PTPRD: variants seen among roughly 807,000 people sequenced by gnomAD.
PTPRD encodes protein tyrosine phosphatase receptor type D, also known as receptor-type tyrosine-protein phosphatase delta.
Under a neutral mutation model 214.5 loss-of-function variants are expected in PTPRD, and 34 were observed. That is an observed-to-expected ratio of 0.16 (90% CI 0.12 to 0.21). PTPRD has a LOEUF of 0.21. Among genes scored for constraint, PTPRD ranks in the 10% least tolerant of loss-of-function variants. PTPRD has a pLI of 1.00. For synonymous variants in PTPRD, 1,128 were observed against 845.7 expected (o/e 1.33, Z -5.79); for missense variants, 2,545 against 2,398.7 (o/e 1.06, Z -1.27).
chr9:9,352,540 G>A (rs1267959296), intron 9 of PTPRD, among the ~76,000 whole-genome samples: 1 of 151,800 alleles, frequency 6.6e-6, no homozygotes, highest in Admixed American at 6.6e-5. Flanking sequence ...TTAGTCCAGA[G>A]ACAAACTCTT....
intron 12 of PTPRD, among the ~76,000 whole-genome samples, chr9:8,723,633 A>G (rs1048500373): frequency 2.0e-5 from 3 of 152,218 alleles, no homozygotes; most frequent in African/African-American, 4.8e-5. Flanking sequence ...ATAAGTATAG[A>G]TATTAGAGGA....
At chr9:9,749,225 T>A (rs1273904482) in intron 6 of PTPRD, among the ~76,000 whole-genome samples, 1 of 152,166 alleles carries the variant, frequency 6.6e-6, no homozygotes, top group South Asian at 2.1e-4. Flanking sequence ...CATGTGATGA[T>A]CAGGGAGGGC....
intron 10 of PTPRD, among the ~76,000 whole-genome samples, chr9:9,043,330 G>T (rs2099649709): frequency 6.6e-6 from 1 of 152,086 alleles, no homozygotes. Context: ...CCACATTAAA[G>T]AATTTTAAGA....
chr9:10,027,976 T>TC (rs1351560712), intron 4 of PTPRD, among the ~76,000 whole-genome samples: 1 of 152,152 alleles, frequency 6.6e-6, no homozygotes, highest in African/African-American at 2.4e-5. Context: ...CTGTAATATC[T>TC]CCCACCTGTC....
intron 4 of PTPRD, among the ~76,000 whole-genome samples, chr9:9,969,574 G>A (rs1340755673): frequency 6.6e-6 from 1 of 152,184 alleles, no homozygotes; most frequent in African/African-American, 2.4e-5. Flanking sequence ...CTAATTCAGT[G>A]TGAACATTAT....
chr9:8,696,821 TAGA>T (rs2097920141), intron 12 of PTPRD, among the ~76,000 whole-genome samples: 1 of 152,188 alleles, frequency 6.6e-6, no homozygotes. Context: ...GCTTATGCTG[TAGA>T]AGGTTCTGAG....
At chr9:9,633,408 AAATATCAAAG>A (rs1428490791) in intron 7 of PTPRD, among the ~76,000 whole-genome samples, 9 of 152,212 alleles carry the variant, frequency 5.9e-5, no homozygotes, top group Non-Finnish European at 5.9e-5. Context: ...GGGAGTCACC[AAATATCAAAG>A]AATTCAAACG....
At chr9:9,324,474 TG>T (rs1157926896) in intron 9 of PTPRD, among the ~76,000 whole-genome samples, 2 of 152,224 alleles carry the variant, frequency 1.3e-5, no homozygotes, top group Non-Finnish European at 2.9e-5. Flanking sequence ...GTCTGTTGGC[TG>T]CATAAATGTC....
chr9:9,312,177 G>A (rs1959185810), intron 9 of PTPRD, among the ~76,000 whole-genome samples: 2 of 152,156 alleles, frequency 1.3e-5, no homozygotes. Flanking sequence ...AGCTAACTGA[G>A]ATGTGAAGTA....
intron 8 of PTPRD, among the ~76,000 whole-genome samples, chr9:9,403,242 C>G (rs10816123): frequency 0.65 from 89,455 of 136,884 alleles, 28,781 homozygotes; most frequent in Middle Eastern, 0.73. Flanking sequence ...AGTAAGCTGA[C>G]ATTGTGCCAC....
intron 11 of PTPRD, among the ~76,000 whole-genome samples, chr9:8,922,764 A>C (rs2098836431): frequency 1.3e-5 from 2 of 151,802 alleles, no homozygotes; most frequent in Non-Finnish European, 2.9e-5. Context: ...CTCCTGCCTC[A>C]GCCTCCCGAG....
Position 9,620,778 on chromosome 9 carries a change from G to C in PTPRD, c.-286-45997C>G, listed in dbSNP as rs960300887. 2.0e-5 allele frequency among the ~76,000 whole-genome samples: 3 copies of C among 151,876 alleles called. No individual in the cohort carries two copies. The East Asian group carries it at 5.8e-4, about 29-fold the overall frequency. ...TTAGAGTTTTTGAGATTCAAGTGAT[G>C]ACATAGAACTTTATCGTCAGCTACA... On this transcript the variant is annotated intron_variant, in intron 7 of 45. Transcript: ENST00000381196.
In PTPRD at chr9:8,882,565, A is replaced by G. The variant is rs981190274; in HGVS notation, c.-104+136132T>C. On this transcript the variant is annotated intron_variant, in intron 11 of 45. Coordinates refer to ENST00000381196, the MANE Select transcript of PTPRD (RefSeq NM_002839.4). ...ATCTTTCTCCTCCTATGGCCAACAG[A>G]AACCAAACTGAGGGACTGTGATTAA... Among the ~76,000 whole-genome samples, 3 of 152,140 alleles carry G rather than the reference A, an allele frequency of 2.0e-5. No individual in the cohort carries two copies. The East Asian group carries it at 5.8e-4, about 29-fold the overall frequency.
intron 9 of PTPRD, among the ~76,000 whole-genome samples, chr9:9,228,939 C>G (rs1003640435): frequency 6.6e-6 from 1 of 151,916 alleles, no homozygotes; most frequent in Admixed American, 6.6e-5. Context: ...TACATTACCA[C>G]AAATGTTTTT....
At chr9:9,718,946 G>T (rs1045833904) in intron 7 of PTPRD, among the ~76,000 whole-genome samples, 4 of 152,184 alleles carry the variant, frequency 2.6e-5, no homozygotes, top group African/African-American at 9.6e-5. Flanking sequence ...GTGGGAAGCT[G>T]TGGGTCCCTG....
intron 14 of PTPRD, among the ~76,000 whole-genome samples, chr9:8,533,357 T>C (rs998672821): frequency 6.6e-6 from 1 of 152,034 alleles, no homozygotes; most frequent in African/African-American, 2.4e-5. Context: ...AAAGAACTGT[T>C]TGCCATGGTA....
At chr9:9,707,360 A>T (rs973013632) in intron 7 of PTPRD, among the ~76,000 whole-genome samples, 4 of 152,192 alleles carry the variant, frequency 2.6e-5, no homozygotes, top group Admixed American at 2.6e-4. Context: ...TTCGATTTAC[A>T]CAAGATACAA....
chr9:8,890,731 A>G (rs1414719253), intron 11 of PTPRD, among the ~76,000 whole-genome samples: 1 of 152,198 alleles, frequency 6.6e-6, no homozygotes, highest in Non-Finnish European at 1.5e-5. Context: ...ACTGTAGGCA[A>G]GCAGATAATC....
chr9:9,234,030 G>A (rs1245293466), intron 9 of PTPRD, among the ~76,000 whole-genome samples: 1 of 152,092 alleles, frequency 6.6e-6, no homozygotes, highest in Non-Finnish European at 1.5e-5. Context: ...GACTCTGTGT[G>A]GGGGCTCCAA....
Sources: gnomAD v4.1 joint callset for allele counts (sites outside exome capture counted in the v4.1 genomes callset) on GRCh38, gnomAD v4.1.1 for gene constraint, MANE v1.5 for transcripts, NCBI Gene and HGNC (gene_info 2026-07-23, HGNC 2026-07-21) for gene names.